The following TOM1 variants were observed in gnomAD, a reference collection of about 807,000 sequenced individuals.
TOM1 encodes the protein target of Myb protein 1.
A neutral mutation model predicts 61.3 loss-of-function variants in TOM1; 38 were observed. The ratio of observed to expected loss-of-function variants is 0.62; its 90% CI spans 0.48 to 0.81. TOM1 has a LOEUF of 0.81. Among genes scored for constraint, TOM1 ranks in the 40% least tolerant of loss-of-function variants. The pLI, the probability that TOM1 is intolerant of heterozygous loss-of-function variation, is 0.00. For missense variants in TOM1, 591 were observed against 659.6 expected, an observed-to-expected ratio of 0.90 and a Z score of 1.14; for synonymous variants, 270 against 268.8, an observed-to-expected ratio of 1.00 and a Z score of -0.04.
At chr22:35,315,623 C>T (rs1465684743) in intron 1 of TOM1, among the ~76,000 whole-genome samples, 1 of 152,222 alleles carries the variant, frequency 6.6e-6, no homozygotes, top group Non-Finnish European at 1.5e-5. Context: ...GGTAAAGCAA[C>T]CGCCCTCTGC....
intron 6 of TOM1, among the ~76,000 whole-genome samples, chr22:35,324,907 C>G (rs949152113): frequency 2.0e-5 from 3 of 152,234 alleles, no homozygotes; most frequent in Non-Finnish European, 4.4e-5. Context: ...AGCCCTCTGA[C>G]TAGCTTTGAA....
chr22:35,318,026 C>T, intron 2 of TOM1, 65 bp downstream of exon 2: 1 of 1,401,618 alleles, frequency 7.1e-7, no homozygotes, highest in South Asian at 1.2e-5. Context: ...CACACTCCTG[C>T]ACCCTTCCAG....
rs544592425 is a variant in TOM1 at position 35,323,054 on chromosome 22, C to T, written c.243C>T (p.Cys81=). The part of the protein sequence containing the change: ...LTVLETCVKN[C]GHRFHVLVAS... ...TCTTAGAAACCTGTGTCAAGAACTG[C>T]GGGCACCGCTTCCACGTGCTGGTGG... is the stretch of plus-strand genomic sequence containing the variant. Residue 81 remains cysteine, a synonymous_variant, in exon 4 of 15, where the codon TGC becomes TGT. Coordinates refer to ENST00000449058, the MANE Select transcript of TOM1 (RefSeq NM_005488.3). The surrounding 1 kb of genome is among the most constrained non-coding windows in gnomAD (Gnocchi z 4.2). 1.5e-5 allele frequency: 25 copies of T among 1,614,088 alleles called. No individual in the cohort carries two copies. Among genetic ancestry groups the T allele is most frequent in the Middle Eastern group, 3.3e-4 (2 of 6,062 alleles).
chr22:35,341,975 G>A (rs1929914285), intron 12 of TOM1, among the ~76,000 whole-genome samples: 2 of 152,114 alleles, frequency 1.3e-5, no homozygotes, highest in African/African-American at 4.8e-5. Flanking sequence ...CCCAAGAGCA[G>A]AGTACAAAAC....
intron 2 of TOM1, among the ~76,000 whole-genome samples, chr22:35,320,606 C>T (rs1389164761): frequency 6.6e-6 from 1 of 152,074 alleles, no homozygotes; most frequent in Non-Finnish European, 1.5e-5. Flanking sequence ...CCCAGGTGGT[C>T]CTTCCCATCT....
chr22:35,334,071 G>A (rs1929072054), intron 10 of TOM1, among the ~76,000 whole-genome samples: 1 of 152,160 alleles, frequency 6.6e-6, no homozygotes, highest in Admixed American at 6.5e-5. Flanking sequence ...TTCCCCAGCA[G>A]AATCAATGGA....
chr22:35,337,269 C>T lies in TOM1; in HGVS notation c.1149-1444C>T, dbSNP rs190157274. On this transcript the variant is annotated intron_variant, in intron 11 of 14. Coordinates refer to ENST00000449058, the MANE Select transcript of TOM1 (RefSeq NM_005488.3). The stretch of plus-strand genomic sequence containing the variant: ...AGTGAAGGGAAATCATGGGTTTCTG[C>T]GTGTTCTGGGGCTGGGCATGGCTTC... Among the ~76,000 whole-genome samples, 1,031 of 152,292 alleles carry T rather than the reference C, an allele frequency of 6.8e-3. 3 individuals are homozygous for T. The highest frequency in any genetic ancestry group is 0.01 in the Non-Finnish European group (688 of 68,020).
At chr22:35,330,523 C>A in intron 8 of TOM1, 43 bp downstream of exon 8, 2 of 1,555,142 alleles carry the variant, frequency 1.3e-6, no homozygotes, top group Non-Finnish European at 1.7e-6. Flanking sequence ...ACTGCCCCAA[C>A]CCTCTCCCTT....
In TOM1 at chr22:35,320,987, GA is replaced by G. The variant is rs138783; in HGVS notation, c.138-958del. 9.1e-3 allele frequency among the ~76,000 whole-genome samples: 805 copies of G among 88,948 alleles called. 29 individuals carry two copies. The highest frequency in any genetic ancestry group is 0.027 in the African/African-American group (758 of 28,310). 58.4% of individuals were successfully genotyped at this position (88,948 alleles called of 152,430 possible). On this transcript the variant is annotated intron_variant, in intron 2 of 14. Transcript: ENST00000449058. ...ACAGAGTGAGACTCTGTCTCAGAAG[GA>G]AAAAAAAAAAAAACTTGAATGGAAG...
chr22:35,327,942 A>G (rs536347726), intron 7 of TOM1, among the ~76,000 whole-genome samples: 5 of 152,232 alleles, frequency 3.3e-5, no homozygotes, highest in Admixed American at 1.3e-4. Context: ...AGCAGAAGGG[A>G]CACTGAATTT....
chr22:35,337,364 G>T (rs1477534928), intron 11 of TOM1, among the ~76,000 whole-genome samples: 1 of 152,142 alleles, frequency 6.6e-6, no homozygotes, highest in Non-Finnish European at 1.5e-5. Context: ...CCCTCAATTA[G>T]CAGGCCTTCT....
In TOM1 at chr22:35,347,216, G is replaced by A; in HGVS notation, c.*7G>A. 1 of 1,592,936 alleles carries A rather than the reference G, an allele frequency of 6.3e-7. No homozygotes were observed. The highest frequency in any genetic ancestry group is 1.1e-5 in the South Asian group (1 of 89,418). On this transcript the variant is annotated 3_prime_UTR_variant, in exon 15 of 15. Transcript: ENST00000449058. ...CATGCTGTTTGCCTTATGAGTGTGG[G>A]GTCTGGCACCCTGCAGCCCAGGTCC...
rs760572851 is a variant in TOM1 at position 35,347,096 on chromosome 22, C to T, written c.1366C>T (p.Arg456Ter). The stretch of plus-strand genomic sequence containing the variant: ...GGAAGAACGGGCCAAAGCCGCGGAC[C>T]GATTGCCCAACCTCTCCAGCCCCTC... Reference protein sequence around the residue: ...FLEERAKAADRLPNLSSPSAE... With the variant: ...FLEERAKAAD Residue 456 changes from arginine (R) to a stop codon, truncating the protein, a stop_gained, in exon 15 of 15, where the codon CGA becomes TGA. Coordinates refer to ENST00000449058, the MANE Select transcript of TOM1 (RefSeq NM_005488.3). LOFTEE classifies it low-confidence loss of function (END_TRUNC). 1.1e-5 allele frequency: 18 copies of T among 1,613,466 alleles called. No individual in the cohort carries two copies. The highest frequency in any genetic ancestry group is 8.3e-5 in the Admixed American group (5 of 59,948).
intron 1 of TOM1, among the ~76,000 whole-genome samples, chr22:35,309,984 G>A (rs1267230701): frequency 6.6e-6 from 1 of 152,176 alleles, no homozygotes; most frequent in South Asian, 2.1e-4. Flanking sequence ...CCCAGGGGGA[G>A]CATCTTCCAC....
Position 35,347,068 on chromosome 22 carries a change from C to T in TOM1, c.1338C>T (p.Phe446=). 6.4e-7 allele frequency: 1 copy of T among 1,556,838 alleles called. No homozygotes were observed. Among genetic ancestry groups the T allele is most frequent in the Non-Finnish European group, 8.7e-7 (1 of 1,143,452 alleles). Residue 446 remains phenylalanine (F), a synonymous_variant, in exon 15 of 15, where the codon TTC becomes TTT. Coordinates refer to ENST00000449058, the MANE Select transcript of TOM1 (RefSeq NM_005488.3). Reference sequence around the variant, plus strand: ...CCCTTCCTCTAGAATTTGACAAATTCCTGGAAGAACGGGCCAAAGCCGCGG... The same window carrying T: ...CCCTTCCTCTAGAATTTGACAAATTTCTGGAAGAACGGGCCAAAGCCGCGG... ...KGVTSEEFDK[F]LEERAKAADR...
At chr22:35,328,979 G>A (rs181178978) in intron 7 of TOM1, among the ~76,000 whole-genome samples, 74 of 151,862 alleles carry the variant, frequency 4.9e-4, no homozygotes, top group African/African-American at 1.6e-3. Context: ...TTTTTGAGAC[G>A]GAGTCTTGCT....
intron 1 of TOM1, 73 bp from the exon 2 acceptor site, chr22:35,317,804 C>T: frequency 8.6e-7 from 1 of 1,166,428 alleles, no homozygotes; most frequent in African/African-American, 1.5e-5. Context: ...CACCCCCCTC[C>T]TCTCCCACCC....
chr22:35,328,691 G>C (rs1928552214), intron 7 of TOM1, among the ~76,000 whole-genome samples: 1 of 152,218 alleles, frequency 6.6e-6, no homozygotes, highest in African/African-American at 2.4e-5. Flanking sequence ...AGGGCGATGA[G>C]GAAATCCCGG....
intron 1 of TOM1, among the ~76,000 whole-genome samples, chr22:35,301,906 C>A (rs954638303): frequency 2.6e-5 from 4 of 152,194 alleles, no homozygotes; most frequent in African/African-American, 9.7e-5. Context: ...CTACAGAAAC[C>A]ACTGCTTTTA....
Sources: allele counts gnomAD v4.1 joint callset (sites outside exome capture counted in the v4.1 genomes callset), GRCh38; gene constraint gnomAD v4.1.1; non-coding constraint Gnocchi (gnomAD v3.1); transcripts MANE v1.5; gene names NCBI Gene and HGNC (gene_info 2026-07-23, HGNC 2026-07-21).